Variants in LRP1B observed in about 807,000 individuals in gnomAD.
LRP1B encodes LDL receptor related protein 1B.
A neutral mutation model predicts 556.6 loss-of-function variants in LRP1B; 217 were observed. The ratio of observed to expected loss-of-function variants is 0.39; its 90% CI spans 0.35 to 0.44. LRP1B has a LOEUF of 0.44. Ranked by LOEUF, LRP1B falls within the 20% of genes least tolerant of loss-of-function variation. The pLI is 1.00. For synonymous variants in LRP1B, 2,047 were observed against 1,865.8 expected (o/e 1.10, Z -2.50); for missense variants, 5,053 against 5,620.8 (o/e 0.90, Z 3.23).
intron 77 of LRP1B, among the ~76,000 whole-genome samples, chr2:140,345,725 T>C (rs1166593442): frequency 7.4e-6 from 1 of 134,488 alleles, no homozygotes; most frequent in East Asian, 2.0e-4. Context: ...TGTATATATA[T>C]ACACATATAT....
chr2:141,688,849 G>A (rs1691409588), intron 2 of LRP1B, among the ~76,000 whole-genome samples: 1 of 151,790 alleles, frequency 6.6e-6, no homozygotes, highest in Non-Finnish European at 1.5e-5. Context: ...GGATGGATGG[G>A]TAATAATGAA....
At chr2:141,483,364 G>A (rs1285913816) in intron 2 of LRP1B, among the ~76,000 whole-genome samples, 1 of 147,580 alleles carries the variant, frequency 6.8e-6, no homozygotes, top group Non-Finnish European at 1.5e-5. Flanking sequence ...GTCTATCCTT[G>A]TTGGACATTT....
Position 140,790,514 on chromosome 2 carries a change from C to G in LRP1B, c.5360-14276G>C, listed in dbSNP as rs1295829350. On this transcript the variant is annotated intron_variant, in intron 32 of 90. Coordinates refer to ENST00000389484, the MANE Select transcript of LRP1B (RefSeq NM_018557.3). ...ACTTCCTCACTTTTTCCTCAAGTAC[C>G]AATAGCACTTTGAGCTGCTGACATT... 6.1e-3 allele frequency among the ~76,000 whole-genome samples: 933 copies of G among 152,232 alleles called. 12 individuals are homozygous for G. Among genetic ancestry groups the G allele is most frequent in the African/African-American group, 0.021 (877 of 41,530 alleles).
chr2:141,449,434 C>A (rs1681325297), intron 3 of LRP1B, among the ~76,000 whole-genome samples: 2 of 152,268 alleles, frequency 1.3e-5, no homozygotes, highest in South Asian at 4.1e-4. Context: ...AAATGACCCC[C>A]ACCAAACCTT....
chr2:140,932,480 C>G (rs780969889), intron 20 of LRP1B, among the ~76,000 whole-genome samples: 2 of 152,162 alleles, frequency 1.3e-5, no homozygotes, highest in Non-Finnish European at 2.9e-5. Flanking sequence ...AAAATATTTA[C>G]TGTCTAATCC....
intron 2 of LRP1B, among the ~76,000 whole-genome samples, chr2:141,672,211 A>G (rs1190605114): frequency 6.6e-6 from 1 of 152,114 alleles, no homozygotes; most frequent in Non-Finnish European, 1.5e-5. Flanking sequence ...AGACAACTAG[A>G]TAATAATGGC....
chr2:140,628,020 C>A (rs986981946), intron 41 of LRP1B, among the ~76,000 whole-genome samples: 6 of 152,158 alleles, frequency 3.9e-5, no homozygotes, highest in Non-Finnish European at 5.9e-5. Context: ...AGAAACAAAG[C>A]ATCAGCTTTA....
chr2:142,101,784 T>C (rs1287166016), intron 1 of LRP1B, among the ~76,000 whole-genome samples: 4 of 151,960 alleles, frequency 2.6e-5, no homozygotes, highest in African/African-American at 9.7e-5. Context: ...TTTTAAAAAT[T>C]AGGGTTATAT....
At chr2:140,338,409 G>C (rs747662039) in intron 77 of LRP1B, among the ~76,000 whole-genome samples, 5 of 151,642 alleles carry the variant, frequency 3.3e-5, no homozygotes, top group Non-Finnish European at 4.4e-5. Context: ...AGGAGGAAGA[G>C]GGAAGAAAGG....
At chr2:141,547,107 C>T (rs977087872) in intron 2 of LRP1B, among the ~76,000 whole-genome samples, 6 of 152,162 alleles carry the variant, frequency 3.9e-5, no homozygotes, top group African/African-American at 9.7e-5. Flanking sequence ...CAACAAACAG[C>T]GTAAACCAAA....
intron 2 of LRP1B, among the ~76,000 whole-genome samples, chr2:141,691,891 T>C (rs1691547224): frequency 6.6e-6 from 1 of 152,006 alleles, no homozygotes; most frequent in African/African-American, 2.4e-5. Flanking sequence ...GAATTCAGTA[T>C]TTCTAACATG....
rs138202006 is a variant in LRP1B, at chr2:141,193,851, T to A, written c.851-5268A>T. 2.4e-3 allele frequency among the ~76,000 whole-genome samples: 371 copies of A among 152,170 alleles called. 12 individuals carry two copies. The East Asian group carries it at 0.065, about 27-fold the overall frequency. ...TCTGAACCATTGTCTAACAAGGCCA[T>A]CCAAGGATTACTTCATTCTCCTGGG... On this transcript the variant is annotated intron_variant, in intron 6 of 90. Coordinates refer to ENST00000389484, the MANE Select transcript of LRP1B (RefSeq NM_018557.3).
chr2:141,058,037 G>A (rs1699230643), intron 9 of LRP1B, among the ~76,000 whole-genome samples: 1 of 151,684 alleles, frequency 6.6e-6, no homozygotes, highest in Non-Finnish European at 1.5e-5. Flanking sequence ...ACTCATAAAG[G>A]CAAGACTATT....
chr2:141,280,920 C>T (rs72979282), intron 3 of LRP1B, among the ~76,000 whole-genome samples: 2,742 of 151,904 alleles, frequency 0.018, 75 homozygotes, highest in African/African-American at 0.063. Flanking sequence ...AATGACAGTG[C>T]CACAGATTTT....
chr2:141,415,076 G>A lies in LRP1B; in HGVS notation c.343+65320C>T, dbSNP rs111331566. Among the ~76,000 whole-genome samples, 61 of 152,244 alleles carry A rather than the reference G, an allele frequency of 4.0e-4. 1 individual carries two copies. Among genetic ancestry groups the A allele is most frequent in the African/African-American group, 1.3e-3 (56 of 41,542 alleles). ...GTCACCCAGGCTGAAGTGCAGTGGC[G>A]CTATCTTGGCTCACTGCAAACTCCG... On this transcript the variant is annotated intron_variant, in intron 3 of 90. Coordinates refer to ENST00000389484, the MANE Select transcript of LRP1B (RefSeq NM_018557.3).
chr2:142,116,763 G>A (rs574091623), intron 1 of LRP1B, among the ~76,000 whole-genome samples: 44 of 152,146 alleles, frequency 2.9e-4, no homozygotes, highest in Admixed American at 1.6e-3. Context: ...AAAATACTTC[G>A]TCAAATAATG....
At chr2:140,741,322 T>C (rs1688130080) in intron 35 of LRP1B, among the ~76,000 whole-genome samples, 1 of 152,082 alleles carries the variant, frequency 6.6e-6, no homozygotes, top group Admixed American at 6.6e-5. Context: ...AAACACATGA[T>C]CAATCAGTAT....
At chr2:140,664,818 T>G (rs1685212135) in intron 41 of LRP1B, among the ~76,000 whole-genome samples, 1 of 152,048 alleles carries the variant, frequency 6.6e-6, no homozygotes, top group South Asian at 2.1e-4. Flanking sequence ...TACTGTGTAG[T>G]GGCTTTAAAC....
intron 1 of LRP1B, among the ~76,000 whole-genome samples, chr2:142,110,517 C>T (rs1055582152): frequency 6.6e-6 from 1 of 152,016 alleles, no homozygotes; most frequent in African/African-American, 2.4e-5. Flanking sequence ...GTGGGAGAAA[C>T]CCTCAGTTCT....
Sources: allele counts gnomAD v4.1 joint callset (sites outside exome capture counted in the v4.1 genomes callset), GRCh38; gene constraint gnomAD v4.1.1; transcripts MANE v1.5; gene names NCBI Gene and HGNC (gene_info 2026-07-23, HGNC 2026-07-21).